The following ANO4 variants were observed in gnomAD, a reference collection of about 807,000 sequenced individuals.
The protein encoded by ANO4 is anoctamin-4.
Under a neutral mutation model 141.9 loss-of-function variants are expected in ANO4, and 69 were observed. The ratio of observed to expected loss-of-function variants is 0.49; its 90% confidence interval spans 0.40 to 0.59. The LOEUF (loss-of-function observed/expected upper bound fraction) is 0.59. Among genes scored for constraint, ANO4 ranks in the 20% least tolerant of loss-of-function variants. The probability of loss-of-function intolerance (pLI) is 0.00; values close to 1 mark genes in which losing one functional copy is unlikely to be tolerated. For missense variants in ANO4, 894 were observed against 1,162.2 expected (o/e 0.77, Z 3.36); for synonymous variants, 350 against 394.3 (o/e 0.89, Z 1.33).
rs150461783 is a variant in ANO4, at chr12:100,719,603, A to C, written c.22+2056A>C. On this transcript the variant is annotated intron_variant, in intron 1 of 29. Transcript: ENST00000644049. ...AGGGTTCAATTTTTGTGTTTAATTGACTGATTTAATAAATGCTTTATTCTT... is the reference window on the plus strand; with the variant it reads ...AGGGTTCAATTTTTGTGTTTAATTGCCTGATTTAATAAATGCTTTATTCTT... 9.8e-5 allele frequency among the ~76,000 whole-genome samples: 15 copies of C among 152,286 alleles called. No homozygotes were observed. In the East Asian group the frequency reaches 2.9e-3, roughly 29 times the overall value.
At chr12:100,725,314 C>G (rs2031059974) in intron 1 of ANO4, among the ~76,000 whole-genome samples, 1 of 151,374 alleles carries the variant, frequency 6.6e-6, no homozygotes, top group South Asian at 2.1e-4. Flanking sequence ...AGCTTCTAGT[C>G]CCTGTGTCTT....
At chr12:100,744,005 C>T (rs560128939) in intron 3 of ANO4, among the ~76,000 whole-genome samples, 1 of 152,150 alleles carries the variant, frequency 6.6e-6, no homozygotes, top group Admixed American at 6.6e-5. Flanking sequence ...TCTAGTCATT[C>T]CTATATCCCC....
At chr12:100,822,326 C>T (rs936372022) in intron 1 of ANO4, among the ~76,000 whole-genome samples, 1 of 152,022 alleles carries the variant, frequency 6.6e-6, no homozygotes, top group Admixed American at 6.6e-5. Flanking sequence ...GAAGGTTTTT[C>T]TTCACTTCTT....
At chr12:101,092,174 C>A (rs1183917907) in intron 17 of ANO4, among the ~76,000 whole-genome samples, 2 of 151,932 alleles carry the variant, frequency 1.3e-5, no homozygotes, top group Non-Finnish European at 2.9e-5. Flanking sequence ...TCCAGCCATG[C>A]CAATCTGAAT....
intron 3 of ANO4, among the ~76,000 whole-genome samples, chr12:100,782,690 T>C (rs1389009975): frequency 6.6e-6 from 1 of 152,218 alleles, no homozygotes; most frequent in African/African-American, 2.4e-5. Context: ...TAATAATACC[T>C]TACTTGTAAG....
chr12:100,988,884 A>G lies in ANO4; in HGVS notation c.734+1214A>G, dbSNP rs1343664429. Among the ~76,000 whole-genome samples, 14 of 125,390 alleles carry G rather than the reference A, an allele frequency of 1.1e-4. 1 individual carries two copies. The highest frequency in any genetic ancestry group is 3.5e-4 in the African/African-American group (13 of 36,950). The allele number at this position is 125,390 out of a possible 152,430, so 82.3% of individuals were successfully genotyped here. A position where few individuals can be genotyped will look rare whatever the true frequency, so the allele number is the denominator to read the frequency against. ...AGACTCTGTCTCAGAAAAAAAAAAAAAAAAGAAAGAAAAACAAAAAACGAA... is the reference window on the plus strand; with the variant it reads ...AGACTCTGTCTCAGAAAAAAAAAAAGAAAAGAAAGAAAAACAAAAAACGAA... On this transcript the variant is annotated intron_variant, in intron 8 of 27. Transcript: ENST00000392977.
chr12:101,014,318 A>T (rs934914390), intron 8 of ANO4, among the ~76,000 whole-genome samples: 3 of 152,118 alleles, frequency 2.0e-5, no homozygotes, highest in Admixed American at 6.5e-5. Context: ...TTTATTTCTC[A>T]TTTCTCCCTT....
intron 5 of ANO4, among the ~76,000 whole-genome samples, chr12:100,960,441 C>T (rs553330109): frequency 2.0e-5 from 3 of 151,862 alleles, no homozygotes; most frequent in Non-Finnish European, 4.4e-5. Context: ...TAGACTATAC[C>T]GCTGTGTGCC....
intron 24 of ANO4, among the ~76,000 whole-genome samples, chr12:101,114,476 T>C (rs1015321222): frequency 2.0e-5 from 3 of 152,182 alleles, no homozygotes; most frequent in African/African-American, 7.2e-5. Context: ...TCAACTTGGA[T>C]TTATGACTGT....
intron 14 of ANO4, among the ~76,000 whole-genome samples, chr12:101,071,220 T>A (rs2048795734): frequency 6.6e-6 from 1 of 152,152 alleles, no homozygotes; most frequent in Admixed American, 6.6e-5. Context: ...TGCACTCCTA[T>A]GCTTGCTCTA....
At chr12:101,079,791 G>T (rs1041797729) in intron 15 of ANO4, among the ~76,000 whole-genome samples, 1 of 151,578 alleles carries the variant, frequency 6.6e-6, no homozygotes, top group Non-Finnish European at 1.5e-5. Flanking sequence ...TAAATGGAGG[G>T]CCAGCTCTAG....
At chr12:101,078,305 C>CA (rs1230386125) in intron 14 of ANO4, among the ~76,000 whole-genome samples, 1 of 149,862 alleles carries the variant, frequency 6.7e-6, no homozygotes, top group Non-Finnish European at 1.5e-5. Flanking sequence ...TAGTCATTCT[C>CA]AGAGTGTGAG....
At chr12:100,789,518 A>G (rs924528764) in intron 3 of ANO4, among the ~76,000 whole-genome samples, 1 of 152,228 alleles carries the variant, frequency 6.6e-6, no homozygotes, top group African/African-American at 2.4e-5. Flanking sequence ...TAGTTTGTAA[A>G]GTTCTTTATC....
chr12:100,851,914 T>C (rs2037895944), intron 1 of ANO4, among the ~76,000 whole-genome samples: 1 of 152,108 alleles, frequency 6.6e-6, no homozygotes, highest in East Asian at 1.9e-4. Flanking sequence ...AAGGCCTGTG[T>C]TGGGGGAGCA....
At chr12:100,785,383 C>T (rs1346311283) in intron 3 of ANO4, among the ~76,000 whole-genome samples, 1 of 152,188 alleles carries the variant, frequency 6.6e-6, no homozygotes, top group Non-Finnish European at 1.5e-5. Flanking sequence ...TAAAAATCTC[C>T]TGTGCTCTGC....
chr12:100,959,629 C>A (rs1311346544), intron 5 of ANO4, among the ~76,000 whole-genome samples: 1 of 152,186 alleles, frequency 6.6e-6, no homozygotes, highest in Non-Finnish European at 1.5e-5. Context: ...ATCTTACTGG[C>A]CTCACCAGCA....
intron 3 of ANO4, among the ~76,000 whole-genome samples, chr12:100,752,905 A>C (rs748668518): frequency 6.6e-6 from 1 of 152,192 alleles, no homozygotes; most frequent in Non-Finnish European, 1.5e-5. Flanking sequence ...GTTTATCTAG[A>C]ATCAGCTGGG....
At chr12:100,808,024 A>G (rs1029421505) in intron 1 of ANO4, among the ~76,000 whole-genome samples, 1 of 152,206 alleles carries the variant, frequency 6.6e-6, no homozygotes, top group Non-Finnish European at 1.5e-5. Flanking sequence ...TGCAGTGAAC[A>G]TTCACATGCA....
rs2043665041 is a variant in ANO4 at position 100,966,617 on chromosome 12, ATCT to A, written c.457-4685_457-4683del. Reference sequence around the variant, plus strand: ...TCATTTGTCTAACTACCCACAAGACATCTTCTCCTGGGCATGTCAAACTTAACT... The same window carrying A: ...TCATTTGTCTAACTACCCACAAGACATCTCCTGGGCATGTCAAACTTAACT... On this transcript the variant is annotated intron_variant, in intron 5 of 27. Coordinates refer to ENST00000392977, the MANE Select transcript of ANO4 (RefSeq NM_001286615.2). Among the ~76,000 whole-genome samples the A allele has an allele frequency of 2.6e-5, 4 of 152,178 alleles. No homozygotes were observed. The South Asian group carries it at 8.3e-4, about 32-fold the overall frequency.
Sources: allele counts gnomAD v4.1 joint callset (sites outside exome capture counted in the v4.1 genomes callset), GRCh38; gene constraint gnomAD v4.1.1; transcripts MANE v1.5; gene names NCBI Gene and HGNC (gene_info 2026-07-23, HGNC 2026-07-21).